TMIGD3: variants seen among roughly 807,000 people sequenced by gnomAD.
The protein encoded by TMIGD3 is transmembrane and immunoglobulin domain containing 3, also known as AD026 protein (AD026).
A neutral mutation model predicts 28.1 loss-of-function variants in TMIGD3; 21 were observed. That is an observed-to-expected ratio of 0.75 (90% confidence interval 0.53 to 1.08). The LOEUF (loss-of-function observed/expected upper bound fraction) is 1.08, where lower values mean the gene tolerates loss of function less well. Among genes scored for constraint, TMIGD3 ranks in the 50% least tolerant of loss-of-function variants. The pLI is 0.00. For missense variants in TMIGD3, 416 were observed against 435.6 expected (o/e 0.96, Z 0.40); for synonymous variants, 151 against 162.1 (o/e 0.93, Z 0.52).
At position 111,483,554 on chromosome 1, in the gene TMIGD3, G is replaced by T. The variant is rs1277191826; in HGVS notation, c.*133C>A. On this transcript the variant is annotated 3_prime_UTR_variant, in exon 6 of 6. Coordinates refer to ENST00000369716, the MANE Select transcript of TMIGD3 (RefSeq NM_020683.7). ...CCGCCGTTGCTACCTGGCTGCAAAT[G>T]ATTGTTGTCAAGGATAGAGGGTCCT... is the stretch of plus-strand genomic sequence containing the variant. 2.5e-6 allele frequency: 2 copies of T among 795,498 alleles called. No homozygotes were observed. The highest frequency in any genetic ancestry group is 4.3e-6 in the Non-Finnish European group (2 of 469,962). 49.3% of individuals were successfully genotyped at this position (795,498 alleles called of 1,614,324 possible).
Position 111,483,753 on chromosome 1 carries a change from G to A in TMIGD3, c.978C>T (p.Gly326=), listed in dbSNP as rs200820814. Residue 326 remains glycine (G), a synonymous_variant, in exon 6 of 6, where the codon GGC becomes GGT. Transcript: ENST00000369716. ...CACGCGAGAAGGGCTTCAAAGTGTT[G>A]CCTACTTTGTTGGGGAATAGAAAGG... ...RRRSQRNRRV[G]NTLKPFSRVL... is the part of the protein sequence containing the mutation. The A allele has an allele frequency of 4.6e-5, 74 of 1,613,620 alleles. No homozygotes were observed. In the African/African-American group the frequency reaches 8.9e-4, roughly 19 times the overall value.
rs745571758 is a variant in TMIGD3, at chr1:111,489,024, T to G, written c.458A>C (p.Asp153Ala). Residue 153 changes from aspartate to alanine, a missense_variant and splice_region_variant, in exon 3 of 6, where the codon GAT (aspartate) becomes GCT (alanine). Transcript: ENST00000369716. ...GACCTTTTCATCCATGACCATGGCA[T>G]CTGTGAAAACACACACACACACGCA... Reference protein sequence around the residue: ...FILLSLALISDAMVMDEKVKR... With the variant: ...FILLSLALISAAMVMDEKVKR... 7.4e-5 allele frequency: 119 copies of G among 1,606,280 alleles called. No individual in the cohort carries two copies. The highest frequency in any genetic ancestry group is 9.7e-5 in the Non-Finnish European group (114 of 1,175,124).
chr1:111,531,158 G>A (rs1031757855), intron 1 of TMIGD3, among the ~76,000 whole-genome samples: 6 of 152,118 alleles, frequency 3.9e-5, no homozygotes, highest in Non-Finnish European at 8.8e-5. Context: ...TGCACCTGTT[G>A]TCCCAGCTAC....
At chr1:111,547,654 T>G (rs1392288248) in intron 1 of TMIGD3, among the ~76,000 whole-genome samples, 1 of 152,134 alleles carries the variant, frequency 6.6e-6, no homozygotes, top group African/African-American at 2.4e-5. Flanking sequence ...ATTGGTGCCT[T>G]TTACAGATTT....
In TMIGD3 at chr1:111,546,920, G is replaced by A. The variant is rs141439196; in HGVS notation, c.107+16926C>T. On this transcript the variant is annotated intron_variant, in intron 1 of 5. Transcript: ENST00000369717. ...CCAAGGAATTTAATTTCTCCATATC[G>A]TCACCAACATTGTTATTTTCTGTTT... Among the ~76,000 whole-genome samples, 39 of 152,080 alleles carry A rather than the reference G, an allele frequency of 2.6e-4. 1 individual carries two copies. The highest frequency in any genetic ancestry group is 9.6e-4 in the East Asian group (5 of 5,186).
intron 1 of TMIGD3, among the ~76,000 whole-genome samples, chr1:111,493,644 A>G (rs1020991453): frequency 6.6e-6 from 1 of 152,228 alleles, no homozygotes; most frequent in Non-Finnish European, 1.5e-5. Context: ...TTTCCATAAG[A>G]AAAAGTAAAA....
intron 1 of TMIGD3, among the ~76,000 whole-genome samples, chr1:111,560,441 G>A (rs1657686687): frequency 8.0e-6 from 1 of 125,256 alleles, no homozygotes; most frequent in Non-Finnish European, 1.6e-5. Context: ...GGAACAGATT[G>A]AAAGAAGCCC....
rs750959746 is a variant in TMIGD3, at chr1:111,503,335, G to A, written c.20C>T (p.Ala7Val). The change falls in exon 1 of 6, where the codon GCT becomes GTT. Residue 7 changes from alanine to valine, a missense_variant. By Grantham distance (64) the Ala-to-Val change is moderately conservative. Coordinates refer to ENST00000369716, the MANE Select transcript of TMIGD3 (RefSeq NM_020683.7). MPNNST[A>V]LSLANVTYIT... Reference sequence around the variant, plus strand: ...GTAGGTAACATTGGCCAATGACAGAGCAGTGCTGTTGTTGGGCATCTTGCC... The same window carrying A: ...GTAGGTAACATTGGCCAATGACAGAACAGTGCTGTTGTTGGGCATCTTGCC... 1.2e-6 allele frequency: 2 copies of A among 1,613,054 alleles called. No homozygotes were observed. The highest frequency in any genetic ancestry group is 2.2e-5 in the East Asian group (1 of 44,872).
intron 1 of TMIGD3, among the ~76,000 whole-genome samples, chr1:111,497,120 T>C (rs1315387880): frequency 6.6e-6 from 1 of 152,136 alleles, no homozygotes; most frequent in African/African-American, 2.4e-5. Flanking sequence ...ATCTCTCTTT[T>C]TTGTTTTTGA....
At chr1:111,537,415 G>A (rs1571446289) in intron 1 of TMIGD3, among the ~76,000 whole-genome samples, 1 of 152,330 alleles carries the variant, frequency 6.6e-6, no homozygotes, top group East Asian at 1.9e-4. Context: ...GGTGTTCAGT[G>A]AAGACTTGCT....
chr1:111,561,186 C>T (rs934809666), intron 1 of TMIGD3, among the ~76,000 whole-genome samples: 2 of 152,224 alleles, frequency 1.3e-5, no homozygotes, highest in Non-Finnish European at 1.5e-5. Flanking sequence ...TGCAGTGGCA[C>T]GATTGTGGCT....
chr1:111,529,894 A>G (rs563130638), intron 1 of TMIGD3, among the ~76,000 whole-genome samples: 202 of 148,136 alleles, frequency 1.4e-3, no homozygotes, highest in African/African-American at 5.0e-3. Context: ...TACACCTCCC[A>G]GACGGGGCGG....
rs567614971 is a variant in TMIGD3, at chr1:111,533,018, G to A, written c.107+30828C>T. 5.9e-5 allele frequency among the ~76,000 whole-genome samples: 9 copies of A among 152,294 alleles called. No individual in the cohort carries two copies. In the South Asian group the frequency reaches 1.7e-3, roughly 28 times the overall value. ...TCTTTGCCTTTTTCAAAGACAAGGA[G>A]ACCACTCCTGCTTTAAAACAGTAAC... On this transcript the variant is annotated intron_variant, in intron 1 of 5. Transcript: ENST00000369717.
At chr1:111,500,475 G>T in intron 1 of TMIGD3, 1 of 1,614,066 alleles carries the variant, frequency 6.2e-7, no homozygotes, top group Non-Finnish European at 8.5e-7. Context: ...CAAACATGGG[G>T]GTCAATCCCA....
intron 1 of TMIGD3, among the ~76,000 whole-genome samples, chr1:111,525,872 T>TAAAC (rs780885414): frequency 1.3e-5 from 2 of 152,032 alleles, no homozygotes; most frequent in Non-Finnish European, 2.9e-5. Context: ...TCAAAACAAA[T>TAAAC]AAACAAACAA....
At chr1:111,541,871 GCAATAAAACTGCACATGGCAGAGGTT>G (rs941954594) in intron 1 of TMIGD3, among the ~76,000 whole-genome samples, 25 of 152,266 alleles carry the variant, frequency 1.6e-4, no homozygotes, top group South Asian at 4.1e-4. Flanking sequence ...GCGAGTGAAT[GCAATAAAACTGCACATGGCAGAGGTT>G]GAGAAAGTCC....
At chr1:111,540,674 A>G (rs1305577548) in intron 1 of TMIGD3, among the ~76,000 whole-genome samples, 1 of 152,190 alleles carries the variant, frequency 6.6e-6, no homozygotes, top group Admixed American at 6.5e-5. Flanking sequence ...CAACAGCCTC[A>G]CAGAGACTGG....
chr1:111,548,711 T>C (rs2101032702), intron 1 of TMIGD3, among the ~76,000 whole-genome samples: 1 of 152,374 alleles, frequency 6.6e-6, no homozygotes, highest in South Asian at 2.1e-4. Flanking sequence ...TCATATTCAA[T>C]ATCATCTCAT....
chr1:111,514,718 C>T (rs931933783), intron 1 of TMIGD3, among the ~76,000 whole-genome samples: 2 of 151,914 alleles, frequency 1.3e-5, no homozygotes, highest in Non-Finnish European at 2.9e-5. Context: ...GTCATGCCTC[C>T]CTTAAAGCCA....
Sources: allele counts gnomAD v4.1 joint callset (sites outside exome capture counted in the v4.1 genomes callset), GRCh38; gene constraint gnomAD v4.1.1; transcripts MANE v1.5; gene names NCBI Gene and HGNC (gene_info 2026-07-23, HGNC 2026-07-21).